Variants in CAMSAP3 observed in about 807,000 individuals in gnomAD.
CAMSAP3 encodes calmodulin-regulated spectrin-associated protein 3.
CAMSAP3 carries 34 observed loss-of-function variants against 112.5 expected under a neutral mutation model. The observed-to-expected ratio is 0.30, with a 90% CI of 0.23 to 0.40. The LOEUF (loss-of-function observed/expected upper bound fraction) is 0.40. CAMSAP3 is among the 10% of genes least tolerant of loss of function. CAMSAP3 has a pLI of 1.00. For synonymous variants in CAMSAP3, 868 were observed against 799.8 expected, an observed-to-expected ratio of 1.09 and a Z score of -1.44; for missense variants, 1,602 against 1,770.3, an observed-to-expected ratio of 0.90 and a Z score of 1.71.
chr19:7,617,834 C>T lies in CAMSAP3; in HGVS notation c.3527C>T (p.Ser1176Leu), dbSNP rs747003278. Residue 1176 changes from serine to leucine, a missense_variant, in exon 17 of 17, where the codon TCG (serine) becomes TTG (leucine). Ser to Leu is a moderately radical substitution (Grantham distance 145, BLOSUM62 -2). Coordinates refer to ENST00000160298, the MANE Select transcript of CAMSAP3 (RefSeq NM_020902.2). The surrounding 1 kb of genome is among the most constrained non-coding windows in gnomAD (Gnocchi z 7.5). The part of the protein sequence containing the change: ...SCQFRALYTL[S>L]GETEELSRLA... ...CAGTTCCGGGCGCTCTACACGCTGTCGGGGGAGACAGAGGAGCTGTCGCGG... is the reference window on the plus strand; with the variant it reads ...CAGTTCCGGGCGCTCTACACGCTGTTGGGGGAGACAGAGGAGCTGTCGCGG... 18 of 1,613,776 alleles carry T rather than the reference C, an allele frequency of 1.1e-5. No homozygotes were observed. Among genetic ancestry groups the T allele is most frequent in the Admixed American group, 1.7e-5 (1 of 60,006 alleles).
Position 7,605,376 on chromosome 19 carries a change from A to G in CAMSAP3, c.299A>G (p.Asn100Ser). The change falls in exon 2 of 17, where the codon AAC becomes AGC. Residue 100 changes from asparagine (N) to serine (S), a missense_variant. Asn to Ser is a conservative substitution (Grantham distance 46, BLOSUM62 1). This residue lies in a region of CAMSAP3 where 147 missense variants were observed against 144.6 expected (regional missense o/e 1.02). Coordinates refer to ENST00000160298, the MANE Select transcript of CAMSAP3 (RefSeq NM_020902.2). ...CTGCCACAGCTTGAAACACCCCCCA[A>G]CCCCTCTGCACTGCTGGCCCTGCTG... ...QALPQLETPP[N>S]PSALLALLAR... 2 of 1,555,064 alleles carry G rather than the reference A, an allele frequency of 1.3e-6. No individual in the cohort carries two copies. Among genetic ancestry groups the G allele is most frequent in the South Asian group, 1.2e-5 (1 of 86,736 alleles).
intron 14 of CAMSAP3, among the ~76,000 whole-genome samples, chr19:7,616,945 T>TG (rs1408024077): frequency 4.9e-4 from 65 of 131,666 alleles, no homozygotes; most frequent in East Asian, 1.1e-3. Context: ...TTTTTTTTTT[T>TG]TTTTTTTTTT....
chr19:7,596,604 G>A (rs1452282073), intron 1 of CAMSAP3, among the ~76,000 whole-genome samples: 1 of 152,050 alleles, frequency 6.6e-6, no homozygotes, highest in East Asian at 1.9e-4. Flanking sequence ...CCCAGACCCC[G>A]ACCTCGCTGG....
In CAMSAP3 at chr19:7,618,095, T is replaced by C; in HGVS notation, c.*38T>C. 6.3e-7 allele frequency: 1 copy of C among 1,583,376 alleles called. No individual in the cohort carries two copies. The highest frequency in any genetic ancestry group is 8.6e-7 in the Non-Finnish European group (1 of 1,164,534). On this transcript the variant is annotated 3_prime_UTR_variant, in exon 17 of 17. Coordinates refer to ENST00000160298, the MANE Select transcript of CAMSAP3 (RefSeq NM_020902.2). Reference sequence around the variant, plus strand: ...GGTCCACGGGCCGGGCCCTGTGTGCTGCGGCCGCCATCCCCTGGAGGACAG... The same window carrying C: ...GGTCCACGGGCCGGGCCCTGTGTGCCGCGGCCGCCATCCCCTGGAGGACAG...
At position 7,610,070 on chromosome 19, in the gene CAMSAP3, G is replaced by A. The variant is rs1415826573; in HGVS notation, c.761-406G>A. Among the ~76,000 whole-genome samples, 1 of 152,176 alleles carries A rather than the reference G, an allele frequency of 6.6e-6. No individual in the cohort carries two copies. Among genetic ancestry groups the A allele is most frequent in the Non-Finnish European group, 1.5e-5 (1 of 68,042 alleles). ...ACAGTGGCTCACGCCTGTAATCCCA[G>A]CACTTTGGGTGGCTGAGGCGGCCGG... is the stretch of plus-strand genomic sequence containing the variant. On this transcript the variant is annotated intron_variant, in intron 5 of 16. Transcript: ENST00000160298. The surrounding 1 kb of genome is among the most constrained non-coding windows in gnomAD (Gnocchi z 4.9).
intron 1 of CAMSAP3, among the ~76,000 whole-genome samples, chr19:7,602,832 G>A (rs1391624373): frequency 2.0e-5 from 3 of 149,306 alleles, no homozygotes; most frequent in Non-Finnish European, 4.5e-5. Flanking sequence ...GAGCCCAGGC[G>A]AGATACGGGC....
Position 7,618,089 on chromosome 19 carries a change from G to T in CAMSAP3, c.*32G>T. The T allele has an allele frequency of 6.3e-7, 1 of 1,589,316 alleles. No individual in the cohort carries two copies. The highest frequency in any genetic ancestry group is 8.6e-7 in the Non-Finnish European group (1 of 1,167,978). Reference sequence around the variant, plus strand: ...CCGGGCGGTCCACGGGCCGGGCCCTGTGTGCTGCGGCCGCCATCCCCTGGA... The same window carrying T: ...CCGGGCGGTCCACGGGCCGGGCCCTTTGTGCTGCGGCCGCCATCCCCTGGA... On this transcript the variant is annotated 3_prime_UTR_variant, in exon 17 of 17. Transcript: ENST00000160298.
chr19:7,598,074 CAG>C (rs2024474773), intron 1 of CAMSAP3, among the ~76,000 whole-genome samples: 1 of 152,026 alleles, frequency 6.6e-6, no homozygotes, highest in African/African-American at 2.4e-5. Context: ...GCTGGGCGCT[CAG>C]GGTGTAGAGG....
rs945573352 is a variant in CAMSAP3, at chr19:7,615,941, G to C, written c.3112+222G>C. 6.6e-6 allele frequency among the ~76,000 whole-genome samples: 1 copy of C among 152,110 alleles called. No homozygotes were observed. Among genetic ancestry groups the C allele is most frequent in the Admixed American group, 6.5e-5 (1 of 15,276 alleles). ...GCGGTGGCTCACGCCTGTAATCCCA[G>C]CACTTTGGGAGGCTGAGGCGGGCGG... On this transcript the variant is annotated intron_variant, in intron 13 of 16. Transcript: ENST00000160298. This position sits in a 1 kb window ranked among gnomAD's most constrained non-coding sequence, Gnocchi z 6.5.
chr19:7,610,850 C>CGGGG lies in CAMSAP3; in HGVS notation c.995-26_995-25insGGGG. The stretch of plus-strand genomic sequence containing the variant: ...GGGGCGGGTGGGAGAGCCAAACCCC[C>CGGGG]GCCTGACCCTCTTCTCTGTACTGCA... On this transcript the variant is annotated intron_variant, in intron 7 of 16. Transcript: ENST00000160298. The surrounding 1 kb of genome is among the most constrained non-coding windows in gnomAD (Gnocchi z 4.9). 6.2e-7 allele frequency: 1 copy of CGGGG among 1,609,240 alleles called. No homozygotes were observed. The highest frequency in any genetic ancestry group is 1.1e-5 in the South Asian group (1 of 90,696).
chr19:7,608,282 G>T lies in CAMSAP3; in HGVS notation c.760+18G>T. 1 of 1,601,732 alleles carries T rather than the reference G, an allele frequency of 6.2e-7. No individual in the cohort carries two copies. The highest frequency in any genetic ancestry group is 8.5e-7 in the Non-Finnish European group (1 of 1,171,008). ...ACTTGAGGGTGAGTAAATGGATGTGGAACAGATCTTGTGCCGGGGAGCTGG... is the reference window on the plus strand; with the variant it reads ...ACTTGAGGGTGAGTAAATGGATGTGTAACAGATCTTGTGCCGGGGAGCTGG... On this transcript the variant is annotated intron_variant, in intron 5 of 16. Transcript: ENST00000160298.
In CAMSAP3 at chr19:7,611,546, C is replaced by T. The variant is rs1166759177; in HGVS notation, c.1153C>T (p.His385Tyr). 9 of 1,612,502 alleles carry T rather than the reference C, an allele frequency of 5.6e-6. No homozygotes were observed. The highest frequency in any genetic ancestry group is 2.2e-5 in the East Asian group (1 of 44,854). The change falls in exon 10 of 17, where the codon CAT (histidine) becomes TAT (tyrosine). Residue 385 changes from histidine (H) to tyrosine (Y), a missense_variant. This residue lies in a region of CAMSAP3 where 1,100 missense variants were observed against 1,135.7 expected (regional missense o/e 0.97). Coordinates refer to ENST00000160298, the MANE Select transcript of CAMSAP3 (RefSeq NM_020902.2). This position sits in a 1 kb window ranked among gnomAD's most constrained non-coding sequence, Gnocchi z 6.9. ...GSLKSSPSMS[H>Y]MEALGKAWNR... is the part of the protein sequence containing the mutation. ...CCTGAAGTCTTCCCCGTCCATGTCC[C>T]ATATGGAGGCCCTGGGCAAGGCCTG...
chr19:7,605,790 A>C (rs992032285), intron 2 of CAMSAP3, among the ~76,000 whole-genome samples: 3 of 148,542 alleles, frequency 2.0e-5, no homozygotes, highest in African/African-American at 7.5e-5. Context: ...TATGTCCATC[A>C]AACCTAGCTC....
At position 7,618,219 on chromosome 19, in the gene CAMSAP3, G is replaced by A; in HGVS notation, c.*162G>A. On this transcript the variant is annotated 3_prime_UTR_variant, in exon 17 of 17. Coordinates refer to ENST00000160298, the MANE Select transcript of CAMSAP3 (RefSeq NM_020902.2). ...TGAGTCCAGTCCTGCTGTGGGGGCT[G>A]AGCTGGGAGGTTCAGGGACTCAGGG... The A allele has an allele frequency of 1.4e-6, 1 of 738,934 alleles. No homozygotes were observed. 45.8% of individuals were successfully genotyped at this position (738,934 alleles called of 1,614,324 possible).
At chr19:7,605,693 C>G (rs1405701936) in intron 2 of CAMSAP3, among the ~76,000 whole-genome samples, 1 of 146,838 alleles carries the variant, frequency 6.8e-6, no homozygotes, top group Non-Finnish European at 1.5e-5. Flanking sequence ...GCTATTAAGC[C>G]TAGTTCCTCC....
Position 7,605,343 on chromosome 19 carries a change from G to A in CAMSAP3, c.266G>A (p.Arg89His). 6.2e-7 allele frequency: 1 copy of A among 1,607,820 alleles called. No individual in the cohort carries two copies. Among genetic ancestry groups the A allele is most frequent in the Admixed American group, 1.7e-5 (1 of 59,346 alleles). Residue 89 changes from arginine (R) to histidine (H), a missense_variant, in exon 2 of 17, where the codon CGC (arginine) becomes CAC (histidine). Arg to His is a conservative substitution (Grantham distance 29). This residue lies in a region of CAMSAP3 where 147 missense variants were observed against 144.6 expected (regional missense o/e 1.02). Transcript: ENST00000160298. Reference protein sequence around the residue: ...LSAELYCRAWRQALPQLETPP... With the variant: ...LSAELYCRAWHQALPQLETPP... ...GCCGAGCTCTACTGCAGAGCCTGGC[G>A]CCAGGCACTGCCACAGCTTGAAACA...
At chr19:7,599,157 T>G (rs1192568223) in intron 1 of CAMSAP3, among the ~76,000 whole-genome samples, 1 of 151,538 alleles carries the variant, frequency 6.6e-6, no homozygotes, top group African/African-American at 2.4e-5. Context: ...GGCAACAGAG[T>G]GAGATCCTGT....
intron 4 of CAMSAP3, 100 bp from the exon 5 acceptor site, chr19:7,608,026 C>T: frequency 1.4e-6 from 2 of 1,440,868 alleles, no homozygotes; most frequent in Middle Eastern, 2.2e-4. Flanking sequence ...AGCTTCCCGC[C>T]CCCTCATGGC....
At chr19:7,598,693 CAGG>C (rs1440808354) in intron 1 of CAMSAP3, among the ~76,000 whole-genome samples, 1 of 152,092 alleles carries the variant, frequency 6.6e-6, no homozygotes, top group Non-Finnish European at 1.5e-5. Flanking sequence ...GAGGCTGAGG[CAGG>C]AGAATTGTTG....
Sources: gnomAD v4.1 joint callset for allele counts (sites outside exome capture counted in the v4.1 genomes callset) on GRCh38, gnomAD v4.1.1 for gene constraint, gnomAD v4.1.1 regional missense constraint, Gnocchi (gnomAD v3.1) non-coding constraint, MANE v1.5 for transcripts, NCBI Gene and HGNC (gene_info 2026-07-23, HGNC 2026-07-21) for gene names.